Variants in ATP8B4 observed in about 807,000 individuals in gnomAD.
The protein encoded by ATP8B4 is probable phospholipid-transporting ATPase IM.
In ATP8B4, 133 loss-of-function variants were observed where a neutral mutation model predicts 145.6. The observed-to-expected ratio is 0.91, with a 90% CI of 0.79 to 1.05. The LOEUF (loss-of-function observed/expected upper bound fraction) is 1.05, where lower values mean the gene tolerates loss of function less well. Among genes scored for constraint, ATP8B4 ranks in the 50% least tolerant of loss-of-function variants. ATP8B4 has a pLI of 0.00. For synonymous variants in ATP8B4, 507 were observed against 492.9 expected, an observed-to-expected ratio of 1.03 and a Z score of -0.38; for missense variants, 1,458 against 1,425.2, an observed-to-expected ratio of 1.02 and a Z score of -0.37.
At chr15:50,126,164 A>G (rs1169828265) in intron 1 of ATP8B4, among the ~76,000 whole-genome samples, 2 of 151,836 alleles carry the variant, frequency 1.3e-5, no homozygotes, top group Non-Finnish European at 2.9e-5. Flanking sequence ...AACCCTCAGA[A>G]CAAGTGAAGC....
intron 1 of ATP8B4, among the ~76,000 whole-genome samples, chr15:50,146,749 A>G (rs187164566): frequency 6.6e-6 from 1 of 152,302 alleles, no homozygotes; most frequent in African/African-American, 2.4e-5. Context: ...TGTATTGGGT[A>G]AAAGGGAAAA....
chr15:49,933,883 G>A, intron 15 of ATP8B4, 134 bp downstream of exon 15: 9 of 903,110 alleles, frequency 1.0e-5, no homozygotes, highest in Non-Finnish European at 1.2e-5. Flanking sequence ...ATCAGTTTCT[G>A]TGTTAAAAAA....
chr15:50,027,990 T>A (rs1387757026), intron 6 of ATP8B4, among the ~76,000 whole-genome samples: 1 of 152,334 alleles, frequency 6.6e-6, no homozygotes, highest in African/African-American at 2.4e-5. Flanking sequence ...GAAAATACCA[T>A]CAACTTTCTT....
chr15:50,115,573 G>A lies in ATP8B4; in HGVS notation c.-43+3550C>T, dbSNP rs1392448531. ...GGAACAGCGTGAGGAAAGGCCAAGT[G>A]TTGTGAAAGGGAAGGAAGGTTTGCG... On this transcript the variant is annotated intron_variant, in intron 1 of 27. Transcript: ENST00000284509. Among the ~76,000 whole-genome samples, 9 of 151,982 alleles carry A rather than the reference G, an allele frequency of 5.9e-5. 1 individual carries two copies. Among genetic ancestry groups the A allele is most frequent in the Admixed American group, 5.9e-4 (9 of 15,262 alleles).
intron 1 of ATP8B4, among the ~76,000 whole-genome samples, chr15:50,163,114 C>T (rs1027063794): frequency 1.3e-5 from 2 of 152,190 alleles, no homozygotes; most frequent in African/African-American, 2.4e-5. Flanking sequence ...TCTCCAGGGT[C>T]GGTCACTAGT....
chr15:49,998,425 T>C (rs1217033908), intron 8 of ATP8B4, among the ~76,000 whole-genome samples: 1 of 152,176 alleles, frequency 6.6e-6, no homozygotes, highest in Non-Finnish European at 1.5e-5. Context: ...TTTTAATGAT[T>C]GCCATTCTAA....
intron 12 of ATP8B4, among the ~76,000 whole-genome samples, chr15:49,976,705 T>C (rs968848122): frequency 6.6e-6 from 1 of 152,190 alleles, no homozygotes; most frequent in Non-Finnish European, 1.5e-5. Flanking sequence ...TTATTCAAAT[T>C]CCTAGAACTT....
intron 9 of ATP8B4, among the ~76,000 whole-genome samples, chr15:49,992,990 C>T (rs1056680250): frequency 3.3e-5 from 5 of 151,848 alleles, no homozygotes; most frequent in African/African-American, 1.2e-4. Flanking sequence ...TTTCCAATCA[C>T]CAGAGGAAAA....
chr15:49,971,525 C>G (rs1314266626), intron 13 of ATP8B4, among the ~76,000 whole-genome samples: 1 of 152,152 alleles, frequency 6.6e-6, no homozygotes, highest in Non-Finnish European at 1.5e-5. Context: ...AAAAAAAGCT[C>G]ATCATCACTG....
intron 3 of ATP8B4, among the ~76,000 whole-genome samples, chr15:50,058,478 T>A (rs2052765227): frequency 6.6e-6 from 1 of 152,120 alleles, no homozygotes; most frequent in Admixed American, 6.5e-5. Context: ...AATGGAAAAG[T>A]CCAGTTAACG....
At chr15:50,092,654 AATATGAAAACTGC>A (rs1352995805) in intron 2 of ATP8B4, among the ~76,000 whole-genome samples, 2 of 152,034 alleles carry the variant, frequency 1.3e-5, no homozygotes, top group Non-Finnish European at 2.9e-5. Context: ...GTCAGTAGAA[AATATGAAAACTGC>A]ATATGGAAAG....
At chr15:49,958,460 T>C (rs1022404612) in intron 14 of ATP8B4, among the ~76,000 whole-genome samples, 5 of 151,150 alleles carry the variant, frequency 3.3e-5, no homozygotes, top group African/African-American at 1.2e-4. Context: ...AATAAGTAAA[T>C]CCAACAGCTA....
chr15:50,132,968 T>G (rs35036853), intron 1 of ATP8B4, among the ~76,000 whole-genome samples: 22,986 of 134,732 alleles, frequency 0.17, 2,095 homozygotes, highest in Non-Finnish European at 0.22. Flanking sequence ...TGAGGGGTGG[T>G]GGGCTAGGGG....
intron 11 of ATP8B4, among the ~76,000 whole-genome samples, chr15:49,980,569 C>T (rs1398962540): frequency 6.6e-6 from 1 of 151,832 alleles, no homozygotes. Flanking sequence ...TCAAAAGAAT[C>T]AGAAGTAAAA....
Position 49,866,473 on chromosome 15 carries a change from A to T in ATP8B4, c.3039T>A (p.Asp1013Glu). 6.2e-7 allele frequency: 1 copy of T among 1,613,596 alleles called. No individual in the cohort carries two copies. Among genetic ancestry groups the T allele is most frequent in the South Asian group, 1.1e-5 (1 of 91,076 alleles). The change falls in exon 26 of 28, where the codon GAT becomes GAA. Residue 1013 changes from aspartate (D) to glutamate (E), a missense_variant. Physicochemically the swap from Asp to Glu is conservative, Grantham distance 45. Transcript: ENST00000284509. Reference protein sequence around the residue: ...VIVVSVQIALDTSYWTFINHV... With the variant: ...VIVVSVQIALETSYWTFINHV... ...GATTAATGAAAGTCCAGTAACTGGT[A>T]TCCAAGGCTATCTGTAAATAAAATC... is the stretch of plus-strand genomic sequence containing the variant.
chr15:50,042,569 T>C (rs2051382030), intron 5 of ATP8B4, among the ~76,000 whole-genome samples: 1 of 152,244 alleles, frequency 6.6e-6, no homozygotes, highest in Non-Finnish European at 1.5e-5. Context: ...CAAAGCACTT[T>C]GGTTCTTTTA....
intron 1 of ATP8B4, among the ~76,000 whole-genome samples, chr15:50,173,050 C>T (rs1247094569): frequency 2.7e-5 from 4 of 146,200 alleles, no homozygotes; most frequent in South Asian, 2.2e-4. Context: ...CAGCCTCCGC[C>T]CGGCCAGCCT....
chr15:50,130,620 T>TA lies in ATP8B4; in HGVS notation c.-42-23613dup, dbSNP rs796669016. 1.3e-5 allele frequency among the ~76,000 whole-genome samples: 2 copies of TA among 151,268 alleles called. 1 individual carries two copies. The highest frequency in any genetic ancestry group is 4.2e-4 in the South Asian group (2 of 4,766). On this transcript the variant is annotated intron_variant, in intron 1 of 3. Transcript: ENST00000558829. ...TGAAACCCCGTCTCTACTAAAAATA[T>TA]AAAAAATTAGCCAGGCGTGGTGGCA...
intron 19 of ATP8B4, among the ~76,000 whole-genome samples, chr15:49,918,320 A>C (rs995245038): frequency 3.9e-5 from 6 of 152,206 alleles, no homozygotes; most frequent in Non-Finnish European, 7.3e-5. Flanking sequence ...GCACTGTTAC[A>C]GCTGTAGTAG....
Sources: gnomAD v4.1 joint callset for allele counts (sites outside exome capture counted in the v4.1 genomes callset) on GRCh38, gnomAD v4.1.1 for gene constraint, MANE v1.5 for transcripts, NCBI Gene and HGNC (gene_info 2026-07-23, HGNC 2026-07-21) for gene names.